Variants in ADGRV1 observed in about 807,000 individuals in gnomAD.
The protein encoded by ADGRV1 is G-protein coupled receptor 98.
Under a neutral mutation model 596.2 loss-of-function variants are expected in ADGRV1, and 359 were observed. The ratio of observed to expected loss-of-function variants is 0.60; its 90% confidence interval spans 0.55 to 0.66. The LOEUF is 0.66. ADGRV1 is among the 30% of genes least tolerant of loss of function. ADGRV1 has a pLI of 0.00. For missense variants in ADGRV1, 7,274 were observed against 7,575.6 expected (o/e 0.96, Z 1.48); for synonymous variants, 2,681 against 2,679.2 (o/e 1.00, Z -0.02).
At chr5:90,671,700 A>G (rs1175165168) in intron 21 of ADGRV1, among the ~76,000 whole-genome samples, 1 of 152,118 alleles carries the variant, frequency 6.6e-6, no homozygotes, top group East Asian at 1.9e-4. Context: ...TAAAACTTGT[A>G]TTTTTATCTG....
At chr5:90,744,761 G>C (rs1288640713) in intron 50 of ADGRV1, among the ~76,000 whole-genome samples, 1 of 152,158 alleles carries the variant, frequency 6.6e-6, no homozygotes, top group African/African-American at 2.4e-5. Flanking sequence ...TAAATATTAA[G>C]ATGAATATAA....
intron 85 of ADGRV1, among the ~76,000 whole-genome samples, chr5:91,052,540 T>C (rs941130082): frequency 6.6e-6 from 1 of 151,902 alleles, no homozygotes; most frequent in Non-Finnish European, 1.5e-5. Context: ...GCTCAAATGA[T>C]TATCGTGCCT....
intron 48 of ADGRV1, among the ~76,000 whole-genome samples, chr5:90,727,317 C>A (rs142896280): frequency 2.0e-5 from 3 of 152,200 alleles, no homozygotes; most frequent in African/African-American, 7.2e-5. Flanking sequence ...GAACTTACTC[C>A]TTTTTATTCT....
chr5:90,834,823 T>G (rs1028559200), intron 77 of ADGRV1, among the ~76,000 whole-genome samples: 6 of 151,928 alleles, frequency 3.9e-5, no homozygotes, highest in Admixed American at 3.9e-4. Flanking sequence ...GTATGCATGT[T>G]TCATTTTTAT....
intron 85 of ADGRV1, among the ~76,000 whole-genome samples, chr5:91,045,711 T>A (rs545543689): frequency 1.3e-5 from 2 of 152,234 alleles, no homozygotes; most frequent in East Asian, 3.9e-4. Context: ...GGCATCCAAA[T>A]CAGTAAAGAG....
chr5:91,033,483 T>G (rs1581848814), intron 85 of ADGRV1, among the ~76,000 whole-genome samples: 2 of 152,224 alleles, frequency 1.3e-5, no homozygotes, highest in African/African-American at 4.8e-5. Context: ...AGTTTCTGAC[T>G]GTTAACTATT....
At chr5:90,579,026 C>T (rs1757612468) in intron 1 of ADGRV1, among the ~76,000 whole-genome samples, 2 of 151,932 alleles carry the variant, frequency 1.3e-5, no homozygotes, top group Non-Finnish European at 2.9e-5. Context: ...TAGCGGTCTA[C>T]CTATTCTGTT....
At chr5:90,929,681 G>A (rs1466272273) in intron 83 of ADGRV1, 2 of 152,160 alleles carry the variant, frequency 1.3e-5, no homozygotes, top group East Asian at 3.9e-4. Context: ...TCTAAGTGCT[G>A]ACAACATCTC....
At chr5:90,614,383 A>T in intron 1 of ADGRV1, 1 of 263,510 alleles carries the variant, frequency 3.8e-6, no homozygotes, top group Non-Finnish European at 7.5e-6. Context: ...AGGAAAAAGT[A>T]GACACCAACC....
At chr5:90,834,687 C>T (rs546660846) in intron 77 of ADGRV1, among the ~76,000 whole-genome samples, 1 of 151,750 alleles carries the variant, frequency 6.6e-6, no homozygotes, top group South Asian at 2.1e-4. Flanking sequence ...TGATATCTTT[C>T]TCTACGTTTG....
chr5:90,635,175 G>A lies in ADGRV1; in HGVS notation c.1901G>A (p.Gly634Glu). The part of the protein sequence containing the change: ...PLIPPISPRF[G>E]EICNISLLVT... ...ATCCCACCCATAAGCCCTAGATTTG[G>A]GGAAATCTGCAATATTTCTTTACTG... Residue 634 changes from glycine (G) to glutamate (E), a missense_variant, in exon 10 of 90, where the codon GGG becomes GAG. Gly to Glu is a moderately conservative substitution (Grantham distance 98, BLOSUM62 -2). Coordinates refer to ENST00000405460, the MANE Select transcript of ADGRV1 (RefSeq NM_032119.4). The A allele has an allele frequency of 6.2e-7, 1 of 1,610,116 alleles. No individual in the cohort carries two copies. Among genetic ancestry groups the A allele is most frequent in the Non-Finnish European group, 8.5e-7 (1 of 1,176,656 alleles).
intron 1 of ADGRV1, among the ~76,000 whole-genome samples, chr5:90,564,950 G>T (rs1289559495): frequency 1.3e-5 from 2 of 151,326 alleles, no homozygotes; most frequent in African/African-American, 2.4e-5. Flanking sequence ...TTAAAAAGTT[G>T]TGGCCTGGGC....
At position 90,783,746 on chromosome 5, in the gene ADGRV1, G is replaced by T. The variant is rs1452988136; in HGVS notation, c.13434-92G>T. On this transcript the variant is annotated intron_variant, in intron 66 of 89. Transcript: ENST00000405460. The stretch of plus-strand genomic sequence containing the variant: ...TGTGTGACTACTGTGCCTTGAATAT[G>T]TATGACCAATTTGGAAAATGACTGG... 5 of 935,410 alleles carry T rather than the reference G, an allele frequency of 5.3e-6. No homozygotes were observed. The Admixed American group carries it at 9.5e-5, about 18-fold the overall frequency. The allele number at this position is 935,410 out of a possible 1,614,324, so 57.9% of individuals were successfully genotyped here. A position where few individuals can be genotyped will look rare whatever the true frequency, so the allele number is the denominator to read the frequency against.
At chr5:90,874,774 C>T (rs1437396391) in intron 83 of ADGRV1, among the ~76,000 whole-genome samples, 4 of 151,762 alleles carry the variant, frequency 2.6e-5, no homozygotes, top group Admixed American at 2.0e-4. Flanking sequence ...AGGCGAATGG[C>T]GTGAACCCAG....
chr5:91,116,800 G>A (rs752654573), intron 87 of ADGRV1, among the ~76,000 whole-genome samples: 1 of 152,156 alleles, frequency 6.6e-6, no homozygotes, highest in Non-Finnish European at 1.5e-5. Flanking sequence ...CAGTTATAAA[G>A]TGGTAATATA....
intron 1 of ADGRV1, among the ~76,000 whole-genome samples, chr5:90,596,381 A>G (rs1274068503): frequency 1.3e-5 from 2 of 151,478 alleles, no homozygotes; most frequent in East Asian, 3.9e-4. Flanking sequence ...CACTTCCCAG[A>G]CGGGGTGGCG....
At chr5:90,782,459 T>C (rs1427437223) in intron 65 of ADGRV1, among the ~76,000 whole-genome samples, 1 of 152,140 alleles carries the variant, frequency 6.6e-6, no homozygotes, top group Non-Finnish European at 1.5e-5. Flanking sequence ...TGTATATTTA[T>C]ATTTATAATA....
intron 83 of ADGRV1, among the ~76,000 whole-genome samples, chr5:90,886,950 T>C (rs569397505): frequency 6.6e-6 from 1 of 152,326 alleles, no homozygotes; most frequent in African/African-American, 2.4e-5. Context: ...CCACGTCTTA[T>C]GTGACAACTG....
chr5:90,662,784 C>A (rs1770586806), intron 21 of ADGRV1, among the ~76,000 whole-genome samples: 1 of 151,982 alleles, frequency 6.6e-6, no homozygotes. Context: ...ACAACAGTCC[C>A]CAGAGTGTGA....
Sources: gnomAD v4.1 joint callset for allele counts (sites outside exome capture counted in the v4.1 genomes callset) on GRCh38, gnomAD v4.1.1 for gene constraint, MANE v1.5 for transcripts, NCBI Gene and HGNC (gene_info 2026-07-23, HGNC 2026-07-21) for gene names.